MPZL1: variants seen among roughly 807,000 people sequenced by gnomAD.
MPZL1 encodes the protein myelin protein zero-like protein 1.
A neutral mutation model predicts 29.3 loss-of-function variants in MPZL1; 16 were observed. The observed-to-expected ratio is 0.55, with a 90% CI of 0.37 to 0.83. The LOEUF is 0.83. Ranked by LOEUF, MPZL1 falls within the 40% of genes least tolerant of loss-of-function variation. The probability of loss-of-function intolerance (pLI) is 0.00; values close to 1 mark genes in which losing one functional copy is unlikely to be tolerated. For missense variants in MPZL1, 279 were observed against 332.9 expected, an observed-to-expected ratio of 0.84 and a Z score of 1.26; for synonymous variants, 143 against 132.0, an observed-to-expected ratio of 1.08 and a Z score of -0.57.
At chr1:167,732,282 G>A (rs1015375894) in intron 1 of MPZL1, among the ~76,000 whole-genome samples, 3 of 152,040 alleles carry the variant, frequency 2.0e-5, no homozygotes, top group Non-Finnish European at 2.9e-5. Context: ...ATATTGCCTG[G>A]GCAACATGGC....
chr1:167,781,940 A>T (rs1328732187), intron 5 of MPZL1, among the ~76,000 whole-genome samples: 1 of 152,060 alleles, frequency 6.6e-6, no homozygotes, highest in Non-Finnish European at 1.5e-5. Flanking sequence ...TTCTAGTCAC[A>T]ATCTCTTTGA....
chr1:167,761,608 G>C (rs1660989503), intron 1 of MPZL1, among the ~76,000 whole-genome samples: 1 of 152,180 alleles, frequency 6.6e-6, no homozygotes, highest in Non-Finnish European at 1.5e-5. Flanking sequence ...GAAATTTGAG[G>C]TTAGAGAGGA....
intron 5 of MPZL1, among the ~76,000 whole-genome samples, chr1:167,784,182 A>G (rs1661546490): frequency 6.6e-6 from 1 of 152,156 alleles, no homozygotes; most frequent in African/African-American, 2.4e-5. Flanking sequence ...GTACAAGTAA[A>G]CTTCAGAGGT....
intron 1 of MPZL1, among the ~76,000 whole-genome samples, chr1:167,739,282 C>CATATATATATATATATACACATATAT (rs1660456623): frequency 1.1e-5 from 1 of 90,416 alleles, no homozygotes; most frequent in African/African-American, 6.3e-5. Flanking sequence ...TACATATATA[C>CATATATATATATATATACACATATAT]ATATATATAT....
Position 167,734,739 on chromosome 1 carries a change from T to A in MPZL1, c.91+12497T>A, listed in dbSNP as rs1016028272. 5.3e-5 allele frequency among the ~76,000 whole-genome samples: 8 copies of A among 152,330 alleles called. 1 individual carries two copies. In the South Asian group the frequency reaches 1.7e-3, roughly 32 times the overall value. On this transcript the variant is annotated intron_variant, in intron 1 of 5. Transcript: ENST00000359523. ...GAGGAGAATCAGCAGTGTCTTGCAA[T>A]GCAGCTGCCTCAGGGGAGGCCATTA...
intron 1 of MPZL1, among the ~76,000 whole-genome samples, chr1:167,724,013 T>C (rs1256565472): frequency 1.3e-5 from 2 of 152,168 alleles, no homozygotes; most frequent in African/African-American, 4.8e-5. Flanking sequence ...GCTCTGGAAC[T>C]GAAACTCCTG....
chr1:167,740,046 C>T (rs1158352819), intron 1 of MPZL1, among the ~76,000 whole-genome samples: 1 of 152,206 alleles, frequency 6.6e-6, no homozygotes, highest in Non-Finnish European at 1.5e-5. Flanking sequence ...CTCCTACTTC[C>T]CCAGCCCTTC....
intron 1 of MPZL1, among the ~76,000 whole-genome samples, chr1:167,760,747 C>CTGTGTGTGTGTGTGTGTG (rs58963124): frequency 8.3e-6 from 1 of 120,108 alleles, no homozygotes; most frequent in Non-Finnish European, 1.8e-5. Flanking sequence ...GTTGAATAGG[C>CTGTGTGTGTGTGTGTGTG]TGTGTGTGTG....
intron 1 of MPZL1, among the ~76,000 whole-genome samples, chr1:167,742,945 A>G (rs1257412328): frequency 6.6e-6 from 1 of 151,898 alleles, no homozygotes; most frequent in Non-Finnish European, 1.5e-5. Context: ...GTAGGCTGTA[A>G]GTATTTGGGT....
intron 1 of MPZL1, among the ~76,000 whole-genome samples, chr1:167,731,022 A>G (rs1411275596): frequency 6.6e-6 from 1 of 152,280 alleles, no homozygotes; most frequent in South Asian, 2.1e-4. Flanking sequence ...AGTGACTGCA[A>G]ATTTAGAAGA....
Position 167,764,618 on chromosome 1 carries a change from A to G in MPZL1, c.92-965A>G, listed in dbSNP as rs190824213. 2.0e-3 allele frequency among the ~76,000 whole-genome samples: 311 copies of G among 152,368 alleles called. 2 individuals carry two copies. Among genetic ancestry groups the G allele is most frequent in the African/African-American group, 6.9e-3 (289 of 41,584 alleles). ...TAGGATAGTTTTAATTGCATTACAT[A>G]TGGATGATGAGAAAAGTTCAGTGTG... is the stretch of plus-strand genomic sequence containing the variant. On this transcript the variant is annotated intron_variant, in intron 1 of 5. Transcript: ENST00000359523.
chr1:167,778,424 T>TA (rs11404357), intron 5 of MPZL1, among the ~76,000 whole-genome samples: 113,198 of 151,176 alleles, frequency 0.75, 42,907 homozygotes, highest in African/African-American at 0.86. Context: ...CTTGAAAGCC[T>TA]AAGTGGGAGG....
At chr1:167,787,730 T>C (rs747715783) in intron 5 of MPZL1, 90 bp from the exon 6 acceptor site, 1 of 921,282 alleles carries the variant, frequency 1.1e-6, no homozygotes, top group Non-Finnish European at 1.7e-6. Context: ...GGAACCCTGA[T>C]GTGATCACGT....
At chr1:167,775,344 A>T (rs1416223005) in intron 4 of MPZL1, among the ~76,000 whole-genome samples, 2 of 152,242 alleles carry the variant, frequency 1.3e-5, no homozygotes, top group Non-Finnish European at 2.9e-5. Flanking sequence ...AGCTGTACTG[A>T]TGACACATCT....
Position 167,773,307 on chromosome 1 carries a change from C to T in MPZL1, c.544C>T (p.Leu182Phe). The change falls in exon 4 of 6, where the codon CTC (leucine) becomes TTC (phenylalanine). Residue 182 changes from leucine to phenylalanine, a missense_variant. Leu to Phe is a conservative substitution (Grantham distance 22, BLOSUM62 0). Transcript: ENST00000359523. ...TGCTGTGGTCCTAGGTCTCACTCTG[C>T]TCATCAGCATGATTCTGGCTGTCCT... ...VTAVVLGLTL[L>F]ISMILAVLYR... 1 of 1,613,786 alleles carries T rather than the reference C, an allele frequency of 6.2e-7. No individual in the cohort carries two copies.
At chr1:167,770,357 C>T (rs1017182071) in intron 2 of MPZL1, among the ~76,000 whole-genome samples, 1 of 152,234 alleles carries the variant, frequency 6.6e-6, no homozygotes, top group Non-Finnish European at 1.5e-5. Flanking sequence ...AGGATAGATC[C>T]CCTCCCACTG....
chr1:167,745,105 A>G (rs1040454308), intron 1 of MPZL1, among the ~76,000 whole-genome samples: 2 of 152,118 alleles, frequency 1.3e-5, no homozygotes, highest in African/African-American at 4.8e-5. Context: ...CTCTCCTTTT[A>G]TGGTGATAAG....
chr1:167,733,106 T>G (rs542143690), intron 1 of MPZL1, among the ~76,000 whole-genome samples: 1 of 152,350 alleles, frequency 6.6e-6, no homozygotes, highest in Non-Finnish European at 1.5e-5. Flanking sequence ...CTTTTCTGTT[T>G]ATATAGATCA....
At chr1:167,780,546 A>C (rs552901721) in intron 5 of MPZL1, among the ~76,000 whole-genome samples, 3 of 152,222 alleles carry the variant, frequency 2.0e-5, no homozygotes, top group Non-Finnish European at 4.4e-5. Flanking sequence ...TATATACACA[A>C]TGGAATATTA....
Sources: gnomAD v4.1 joint callset for allele counts (sites outside exome capture counted in the v4.1 genomes callset) on GRCh38, gnomAD v4.1.1 for gene constraint, MANE v1.5 for transcripts, NCBI Gene and HGNC (gene_info 2026-07-23, HGNC 2026-07-21) for gene names.